XKR6: variants seen among roughly 807,000 people sequenced by gnomAD.
The protein encoded by XKR6 is XK related 6.
A neutral mutation model predicts 56.7 loss-of-function variants in XKR6; 22 were observed. The observed-to-expected ratio is 0.39, with a 90% confidence interval of 0.28 to 0.55. The LOEUF (loss-of-function observed/expected upper bound fraction) is 0.55, where lower values mean the gene tolerates loss of function less well. Ranked by LOEUF, XKR6 falls within the 20% of genes least tolerant of loss-of-function variation. XKR6 has a pLI of 0.66. For missense variants in XKR6, 852 were observed against 889.0 expected (o/e 0.96, Z 0.53); for synonymous variants, 524 against 387.8 (o/e 1.35, Z -4.13).
At chr8:10,981,919 G>A (rs1797744033) in intron 1 of XKR6, among the ~76,000 whole-genome samples, 1 of 152,224 alleles carries the variant, frequency 6.6e-6, no homozygotes, top group Non-Finnish European at 1.5e-5. Context: ...AATTGTTTAG[G>A]AAAAGCTCAT....
intron 1 of XKR6, among the ~76,000 whole-genome samples, chr8:11,182,926 T>C (rs2117094804): frequency 6.6e-6 from 1 of 152,322 alleles, no homozygotes; most frequent in Non-Finnish European, 1.5e-5. Flanking sequence ...CTCTATGAAC[T>C]TGACTCCTCC....
chr8:10,987,896 C>T (rs1456476389), intron 1 of XKR6, among the ~76,000 whole-genome samples: 1 of 152,228 alleles, frequency 6.6e-6, no homozygotes, highest in South Asian at 2.1e-4. Context: ...TCTCACAGCA[C>T]CTGCAGGGCT....
chr8:11,083,550 C>T (rs1797795424), intron 1 of XKR6, among the ~76,000 whole-genome samples: 1 of 152,162 alleles, frequency 6.6e-6, no homozygotes, highest in African/African-American at 2.4e-5. Flanking sequence ...TTTCGGAATG[C>T]AAAACTTCAC....
intron 1 of XKR6, among the ~76,000 whole-genome samples, chr8:11,116,949 T>G (rs1028518912): frequency 2.6e-5 from 4 of 152,216 alleles, no homozygotes; most frequent in African/African-American, 9.6e-5. Context: ...TTCAGCTTAC[T>G]AACTATATAC....
intron 1 of XKR6, among the ~76,000 whole-genome samples, chr8:11,118,904 G>A (rs187551786): frequency 8.5e-5 from 13 of 152,202 alleles, no homozygotes; most frequent in Admixed American, 5.2e-4. Flanking sequence ...TGATGTTAGG[G>A]TGTCAATTTT....
intron 1 of XKR6, among the ~76,000 whole-genome samples, chr8:11,069,119 A>C (rs1210098772): frequency 1.3e-5 from 2 of 152,066 alleles, no homozygotes; most frequent in African/African-American, 4.8e-5. Context: ...CACTGCCATC[A>C]AGTGGGGCGG....
chr8:10,920,929 C>T (rs931490331), intron 2 of XKR6, among the ~76,000 whole-genome samples: 1 of 152,240 alleles, frequency 6.6e-6, no homozygotes, highest in African/African-American at 2.4e-5. Context: ...TGGGGAAATG[C>T]TCACCAGACC....
chr8:11,107,223 G>A (rs1266760863), intron 1 of XKR6, among the ~76,000 whole-genome samples: 1 of 151,012 alleles, frequency 6.6e-6, no homozygotes, highest in Non-Finnish European at 1.5e-5. Flanking sequence ...AATAAGAGAT[G>A]GGGTCTCACT....
At chr8:11,195,175 T>G in intron 1 of XKR6, 1 of 703,258 alleles carries the variant, frequency 1.4e-6, no homozygotes, top group Non-Finnish European at 2.6e-6. Context: ...TTCATGTGGT[T>G]AAATCTGCTC....
At chr8:11,062,977 G>A (rs1359490875) in intron 1 of XKR6, 2 of 372,562 alleles carry the variant, frequency 5.4e-6, no homozygotes, top group Non-Finnish European at 1.1e-5. Flanking sequence ...CCCTGGAGAT[G>A]GAGGATGGAG....
rs149938301 is a variant in XKR6 at position 11,152,380 on chromosome 8, C to T, written c.764+48196G>A. Among the ~76,000 whole-genome samples, 573 of 152,162 alleles carry T rather than the reference C, an allele frequency of 3.8e-3. 3 individuals carry two copies. The highest frequency in any genetic ancestry group is 0.013 in the African/African-American group (540 of 41,490). On this transcript the variant is annotated intron_variant, in intron 1 of 2. Coordinates refer to ENST00000416569, the MANE Select transcript of XKR6 (RefSeq NM_173683.4). The stretch of plus-strand genomic sequence containing the variant: ...CTTATCTACGCCAGTCAAGGTTGAA[C>T]GCATTTTTAAAGCTAAGCGAATATA...
intron 1 of XKR6, among the ~76,000 whole-genome samples, chr8:10,953,292 G>T (rs1036770645): frequency 6.6e-6 from 1 of 152,126 alleles, no homozygotes; most frequent in Non-Finnish European, 1.5e-5. Context: ...TGCTCTCCTC[G>T]AGAGAGTGAG....
intron 1 of XKR6, among the ~76,000 whole-genome samples, chr8:10,982,049 C>T (rs996120137): frequency 2.6e-5 from 4 of 152,356 alleles, no homozygotes; most frequent in South Asian, 2.1e-4. Context: ...GCCTTAGTTG[C>T]TACCCCAACT....
intron 1 of XKR6, among the ~76,000 whole-genome samples, chr8:10,987,094 G>C (rs1345186283): frequency 6.6e-6 from 1 of 152,170 alleles, no homozygotes; most frequent in African/African-American, 2.4e-5. Context: ...TAACTCCTTA[G>C]CCAAGTGCAT....
chr8:11,181,668 C>G (rs1005803558), intron 1 of XKR6, among the ~76,000 whole-genome samples: 10 of 152,190 alleles, frequency 6.6e-5, no homozygotes, highest in Admixed American at 2.6e-4. Context: ...AGAACCTCAT[C>G]AATGCCAAGT....
At chr8:10,918,691 G>A (rs1323534744) in intron 2 of XKR6, among the ~76,000 whole-genome samples, 1 of 152,168 alleles carries the variant, frequency 6.6e-6, no homozygotes, top group African/African-American at 2.4e-5. Flanking sequence ...AACCATCGGA[G>A]AATCCCCAAA....
intron 1 of XKR6, among the ~76,000 whole-genome samples, chr8:11,190,644 A>G (rs1227044985): frequency 6.6e-6 from 1 of 152,234 alleles, no homozygotes; most frequent in Non-Finnish European, 1.5e-5. Context: ...ACTAGACATC[A>G]GAGGTCTCAA....
At chr8:10,938,856 A>G (rs1052669931) in intron 1 of XKR6, among the ~76,000 whole-genome samples, 11 of 152,356 alleles carry the variant, frequency 7.2e-5, no homozygotes, top group Middle Eastern at 3.4e-3. Context: ...GTAAATGTTA[A>G]TTTACAAAAT....
intron 1 of XKR6, among the ~76,000 whole-genome samples, chr8:11,055,915 A>C (rs1270323889): frequency 6.6e-6 from 1 of 152,134 alleles, no homozygotes; most frequent in East Asian, 1.9e-4. Flanking sequence ...CCCCCGCTCC[A>C]TACACTTTGT....
Sources: gnomAD v4.1 joint callset for allele counts (sites outside exome capture counted in the v4.1 genomes callset) on GRCh38, gnomAD v4.1.1 for gene constraint, MANE v1.5 for transcripts, NCBI Gene and HGNC (gene_info 2026-07-23, HGNC 2026-07-21) for gene names.